The following SEMA5A variants were observed in gnomAD, a reference collection of about 807,000 sequenced individuals.
SEMA5A encodes the protein semaphorin-5A.
SEMA5A carries 55 observed loss-of-function variants against 135.5 expected under a neutral mutation model. That is an observed-to-expected ratio of 0.41 (90% CI 0.33 to 0.51). The LOEUF (loss-of-function observed/expected upper bound fraction) is 0.51, where lower values mean the gene tolerates loss of function less well. SEMA5A is among the 20% of genes least tolerant of loss of function. The pLI is 0.37. For missense variants in SEMA5A, 1,290 were observed against 1,419.9 expected, an observed-to-expected ratio of 0.91 and a Z score of 1.47; for synonymous variants, 580 against 546.5, an observed-to-expected ratio of 1.06 and a Z score of -0.85.
chr5:9,221,132 T>C (rs1746927771), intron 8 of SEMA5A, among the ~76,000 whole-genome samples: 2 of 152,258 alleles, frequency 1.3e-5, no homozygotes, highest in South Asian at 2.1e-4. Flanking sequence ...GCTCACTTGG[T>C]TGAAAACTCA....
At chr5:9,338,035 C>A (rs1056326874) in intron 3 of SEMA5A, among the ~76,000 whole-genome samples, 1 of 152,062 alleles carries the variant, frequency 6.6e-6, no homozygotes, top group Admixed American at 6.6e-5. Context: ...AAAGAGCAAG[C>A]GAGGCATCAA....
intron 10 of SEMA5A, 61 bp downstream of exon 10, chr5:9,197,107 C>T: frequency 2.5e-6 from 4 of 1,605,142 alleles, no homozygotes; most frequent in Non-Finnish European, 3.4e-6. Context: ...CCTGTCTACA[C>T]AAGGCTTCTG....
At chr5:9,477,162 C>T (rs1046032032) in intron 1 of SEMA5A, among the ~76,000 whole-genome samples, 1 of 152,050 alleles carries the variant, frequency 6.6e-6, no homozygotes, top group Admixed American at 6.6e-5. Flanking sequence ...CCTCTTTTCC[C>T]CTTCATCTTC....
rs764448504 is a variant in SEMA5A, at chr5:9,154,493, T to A, written c.1476A>T (p.Thr492=). The A allele has an allele frequency of 6.2e-7, 1 of 1,611,914 alleles. No homozygotes were observed. The highest frequency in any genetic ancestry group is 8.5e-7 in the Non-Finnish European group (1 of 1,179,844). ...IPLKRCQFYR[T]RSTCIGAQDP... is the part of the protein sequence containing the mutation. ...TGACCCCGGAGATGCCCTACCTGCG[T>A]GTGCGGTAGAACTGGCACCTCTTCA... Residue 492 remains threonine (T), a synonymous_variant, in exon 12 of 23, where the codon ACA becomes ACT. Coordinates refer to ENST00000382496, the MANE Select transcript of SEMA5A (RefSeq NM_003966.3).
intron 15 of SEMA5A, among the ~76,000 whole-genome samples, chr5:9,110,191 G>A (rs1028191721): frequency 6.6e-6 from 1 of 152,270 alleles, no homozygotes; most frequent in Non-Finnish European, 1.5e-5. Context: ...CAAATACAGT[G>A]GAAAACTGGA....
chr5:9,312,097 C>A (rs571472733), intron 5 of SEMA5A, among the ~76,000 whole-genome samples: 1 of 152,068 alleles, frequency 6.6e-6, no homozygotes, highest in African/African-American at 2.4e-5. Flanking sequence ...CAGCCATCTG[C>A]GGTAGGATCC....
chr5:9,492,275 T>C (rs2387706), intron 1 of SEMA5A, among the ~76,000 whole-genome samples: 61,568 of 152,008 alleles, frequency 0.41, 13,028 homozygotes, highest in Non-Finnish European at 0.46. Context: ...AAACACAAAT[T>C]ACCAATAAAG....
chr5:9,356,043 T>C (rs966881929), intron 3 of SEMA5A, among the ~76,000 whole-genome samples: 3 of 152,174 alleles, frequency 2.0e-5, no homozygotes, highest in African/African-American at 7.2e-5. Flanking sequence ...GACTTCCCAA[T>C]TGGATTCTGT....
intron 11 of SEMA5A, among the ~76,000 whole-genome samples, chr5:9,162,564 G>GTA (rs779776274): frequency 0.013 from 1,133 of 84,008 alleles, 46 homozygotes; most frequent in African/African-American, 0.029. Flanking sequence ...GTGTGTGTGT[G>GTA]TATATATATA....
At chr5:9,203,980 T>G (rs1195079692) in intron 8 of SEMA5A, among the ~76,000 whole-genome samples, 4 of 149,784 alleles carry the variant, frequency 2.7e-5, no homozygotes, top group East Asian at 4.0e-4. Flanking sequence ...GGGTGGTGGG[T>G]GGGGGGGTGT....
intron 2 of SEMA5A, among the ~76,000 whole-genome samples, chr5:9,417,490 A>G (rs549936137): frequency 2.6e-5 from 4 of 152,310 alleles, no homozygotes; most frequent in East Asian, 3.9e-4. Context: ...ACCAGTCCTC[A>G]GTTACTCCTT....
At chr5:9,507,741 T>A (rs1735971964) in intron 1 of SEMA5A, among the ~76,000 whole-genome samples, 1 of 151,996 alleles carries the variant, frequency 6.6e-6, no homozygotes, top group African/African-American at 2.4e-5. Context: ...GCGGTGTCTC[T>A]CGCCTGTAAT....
At chr5:9,498,496 CTT>C (rs1014872367) in intron 1 of SEMA5A, 2 of 152,038 alleles carry the variant, frequency 1.3e-5, no homozygotes, top group Non-Finnish European at 2.9e-5. Context: ...TAAATTTAAG[CTT>C]GTTATCCTTC....
At chr5:9,465,625 A>G (rs554694571) in intron 1 of SEMA5A, among the ~76,000 whole-genome samples, 1 of 152,338 alleles carries the variant, frequency 6.6e-6, no homozygotes. Context: ...TAATCCAGAG[A>G]TCATTTAAAG....
intron 11 of SEMA5A, among the ~76,000 whole-genome samples, chr5:9,181,901 C>A (rs1190025333): frequency 6.6e-6 from 1 of 152,006 alleles, no homozygotes; most frequent in South Asian, 2.1e-4. Flanking sequence ...CAGAGTCCCT[C>A]ATCTATTAAG....
intron 16 of SEMA5A, among the ~76,000 whole-genome samples, chr5:9,102,092 C>T (rs145548030): frequency 4.4e-4 from 67 of 152,254 alleles, no homozygotes; most frequent in East Asian, 2.3e-3. Flanking sequence ...TAGAAAGCCA[C>T]GGTTCAAAAA....
At chr5:9,276,458 A>G (rs191319486) in intron 5 of SEMA5A, among the ~76,000 whole-genome samples, 131 of 152,336 alleles carry the variant, frequency 8.6e-4, no homozygotes, top group Non-Finnish European at 1.3e-4. Context: ...GGAAAAATCT[A>G]CTTTAAATTT....
At position 9,224,907 on chromosome 5, in the gene SEMA5A, G is replaced by A. The variant is rs771994357; in HGVS notation, c.433-20C>T. The A allele has an allele frequency of 1.9e-6, 3 of 1,600,412 alleles. No individual in the cohort carries two copies. Among genetic ancestry groups the A allele is most frequent in the Admixed American group, 3.3e-5 (2 of 59,786 alleles). ...GCTCAACTGTGGGGGAGGATGAGAG[G>A]GAAAGCAGTTATCTCTGCACAAGCC... On this transcript the variant is annotated intron_variant, in intron 7 of 22. Coordinates refer to ENST00000382496, the MANE Select transcript of SEMA5A (RefSeq NM_003966.3).
In SEMA5A at chr5:9,097,013, T is replaced by C. The variant is rs150534339; in HGVS notation, c.2073+11127A>G. Among the ~76,000 whole-genome samples, 323 of 152,300 alleles carry C rather than the reference T, an allele frequency of 2.1e-3. 5 individuals carry two copies. The highest frequency in any genetic ancestry group is 6.9e-3 in the African/African-American group (285 of 41,564). On this transcript the variant is annotated intron_variant, in intron 16 of 22. Coordinates refer to ENST00000382496, the MANE Select transcript of SEMA5A (RefSeq NM_003966.3). ...GTGGATATATTAATTTGTTCCACTA[T>C]AGTAATCATATGACTATATGTACCT...
Sources: gnomAD v4.1 joint callset for allele counts (sites outside exome capture counted in the v4.1 genomes callset) on GRCh38, gnomAD v4.1.1 for gene constraint, MANE v1.5 for transcripts, NCBI Gene and HGNC (gene_info 2026-07-23, HGNC 2026-07-21) for gene names.